BTBD9: variants seen among roughly 807,000 people sequenced by gnomAD.
BTBD9 encodes the protein BTB/POZ domain-containing protein 9.
BTBD9 carries 49 observed loss-of-function variants against 64.3 expected under a neutral mutation model. That is an observed-to-expected ratio of 0.76 (90% CI 0.61 to 0.97). The LOEUF (loss-of-function observed/expected upper bound fraction) is 0.97. BTBD9 is among the 50% of genes least tolerant of loss of function. The pLI, the probability that BTBD9 is intolerant of heterozygous loss-of-function variation, is 0.00. For synonymous variants in BTBD9, 260 were observed against 274.7 expected (o/e 0.95, Z 0.53); for missense variants, 598 against 762.1 (o/e 0.78, Z 2.53).
At chr6:38,426,436 T>C (rs1173792173) in intron 6 of BTBD9, among the ~76,000 whole-genome samples, 1 of 151,926 alleles carries the variant, frequency 6.6e-6, no homozygotes, top group East Asian at 1.9e-4. Flanking sequence ...GGGAGCTCTG[T>C]TTTCACTCTG....
At chr6:38,533,229 A>G (rs1773874585) in intron 6 of BTBD9, among the ~76,000 whole-genome samples, 1 of 152,174 alleles carries the variant, frequency 6.6e-6, no homozygotes, top group African/African-American at 2.4e-5. Context: ...AAGACATTCC[A>G]TGCTAATGGA....
chr6:38,615,475 A>G (rs9470906), intron 1 of BTBD9, among the ~76,000 whole-genome samples: 9,495 of 152,142 alleles, frequency 0.062, 711 homozygotes, highest in East Asian at 0.23. Flanking sequence ...CTCCTGGCAC[A>G]TTCTGCTCCA....
intron 7 of BTBD9, among the ~76,000 whole-genome samples, chr6:38,305,136 C>T (rs1161517921): frequency 6.6e-6 from 1 of 151,948 alleles, no homozygotes. Context: ...TAGTTCTTTA[C>T]GGAAAGCTAG....
chr6:38,440,357 A>G (rs936641042), intron 6 of BTBD9, among the ~76,000 whole-genome samples: 1 of 152,230 alleles, frequency 6.6e-6, no homozygotes, highest in African/African-American at 2.4e-5. Context: ...GAAGTCAAGT[A>G]AATGACATTT....
intron 7 of BTBD9, among the ~76,000 whole-genome samples, chr6:38,299,352 A>T (rs1346676904): frequency 6.6e-6 from 1 of 152,216 alleles, no homozygotes; most frequent in Non-Finnish European, 1.5e-5. Context: ...CATGATTTAT[A>T]GTCATTTGGG....
At chr6:38,274,519 T>C (rs1765309113) in intron 8 of BTBD9, among the ~76,000 whole-genome samples, 1 of 152,214 alleles carries the variant, frequency 6.6e-6, no homozygotes, top group South Asian at 2.1e-4. Flanking sequence ...TGTGGGTTTG[T>C]CATAGATAGC....
At chr6:38,453,935 G>C (rs1374185520) in intron 6 of BTBD9, among the ~76,000 whole-genome samples, 1 of 152,126 alleles carries the variant, frequency 6.6e-6, no homozygotes, top group Non-Finnish European at 1.5e-5. Flanking sequence ...TTAAGAAATA[G>C]AGCGATACAC....
intron 1 of BTBD9, among the ~76,000 whole-genome samples, chr6:38,639,532 T>C (rs1174986912): frequency 6.6e-6 from 1 of 152,128 alleles, no homozygotes; most frequent in Admixed American, 6.5e-5. Flanking sequence ...ACTCCTCTCT[T>C]TGGGAGGCTG....
chr6:38,446,242 T>C (rs1473900044), intron 6 of BTBD9, among the ~76,000 whole-genome samples: 1 of 152,028 alleles, frequency 6.6e-6, no homozygotes, highest in Non-Finnish European at 1.5e-5. Flanking sequence ...CACAGAAAGG[T>C]AGCCCCTTTA....
intron 9 of BTBD9, among the ~76,000 whole-genome samples, chr6:38,214,805 T>C (rs1453754164): frequency 1.3e-5 from 2 of 152,168 alleles, no homozygotes; most frequent in East Asian, 1.9e-4. Flanking sequence ...TACTACTTCA[T>C]AGTAAACAAG....
chr6:38,618,864 T>C (rs972439107), intron 1 of BTBD9, among the ~76,000 whole-genome samples: 1 of 152,170 alleles, frequency 6.6e-6, no homozygotes, highest in African/African-American at 2.4e-5. Flanking sequence ...CCTGGTAACT[T>C]AGTCAAGTAA....
chr6:38,441,765 T>C (rs1769045359), intron 6 of BTBD9, among the ~76,000 whole-genome samples: 1 of 152,310 alleles, frequency 6.6e-6, no homozygotes, highest in East Asian at 1.9e-4. Flanking sequence ...ATTGAGCTTT[T>C]ACTGGGTGCC....
At chr6:38,427,008 G>A (rs149561980) in intron 6 of BTBD9, among the ~76,000 whole-genome samples, 2 of 151,784 alleles carry the variant, frequency 1.3e-5, no homozygotes, top group African/African-American at 2.4e-5. Context: ...CCCAGGTAGC[G>A]ATTCTACGTT....
At chr6:38,374,650 A>G (rs1765612597) in intron 6 of BTBD9, among the ~76,000 whole-genome samples, 1 of 152,088 alleles carries the variant, frequency 6.6e-6, no homozygotes, top group African/African-American at 2.4e-5. Context: ...AAAGTTCTGC[A>G]TACATTCAGA....
chr6:38,342,048 G>A (rs1012829433), intron 7 of BTBD9, among the ~76,000 whole-genome samples: 2 of 152,152 alleles, frequency 1.3e-5, no homozygotes, highest in Admixed American at 1.3e-4. Context: ...TATAGTGGGT[G>A]TGCTTAATTT....
At chr6:38,238,410 G>T (rs1442305444) in intron 9 of BTBD9, among the ~76,000 whole-genome samples, 1 of 151,810 alleles carries the variant, frequency 6.6e-6, no homozygotes, top group African/African-American at 2.4e-5. Context: ...GCAATTGGTT[G>T]AGAGTTATTA....
At chr6:38,351,248 C>T (rs1764493354) in intron 6 of BTBD9, among the ~76,000 whole-genome samples, 1 of 152,178 alleles carries the variant, frequency 6.6e-6, no homozygotes, top group Non-Finnish European at 1.5e-5. Context: ...AAAGGTTAAA[C>T]ACTACACACA....
At chr6:38,359,302 T>G (rs887549144) in intron 6 of BTBD9, among the ~76,000 whole-genome samples, 13 of 152,124 alleles carry the variant, frequency 8.5e-5, no homozygotes, top group African/African-American at 3.1e-4. Flanking sequence ...CACAGCACCT[T>G]CCTTTTCTTC....
intron 9 of BTBD9, among the ~76,000 whole-genome samples, chr6:38,194,077 G>T (rs1015440100): frequency 3.3e-5 from 5 of 152,192 alleles, no homozygotes; most frequent in South Asian, 2.1e-4. Flanking sequence ...TATTTTCTCG[G>T]TGGGCGACTG....
Sources: allele counts gnomAD v4.1 joint callset (sites outside exome capture counted in the v4.1 genomes callset), GRCh38; gene constraint gnomAD v4.1.1; transcripts MANE v1.5; gene names NCBI Gene and HGNC (gene_info 2026-07-23, HGNC 2026-07-21).